The following C2orf49 variants were observed in gnomAD, a reference collection of about 807,000 sequenced individuals.
The protein encoded by C2orf49 is tRNA splicing ligase complex subunit 2.
Under a neutral mutation model 20.6 loss-of-function variants are expected in C2orf49, and 11 were observed. The observed-to-expected ratio is 0.53, with a 90% CI of 0.34 to 0.88. The LOEUF is 0.88. Ranked by LOEUF, C2orf49 falls within the 40% of genes least tolerant of loss-of-function variation. The pLI, the probability that C2orf49 is intolerant of heterozygous loss-of-function variation, is 0.02. For synonymous variants in C2orf49, 134 were observed against 108.5 expected (o/e 1.24, Z -1.46); for missense variants, 289 against 274.2 (o/e 1.05, Z -0.38).
At chr2:105,358,762 G>C in the C2orf49 span, 1 of 152,196 alleles carries the variant, frequency 6.6e-6, no homozygotes, top group Non-Finnish European at 1.5e-5. Flanking sequence ...TATCTGTAAA[G>C]TCCTGTCAGT....
the C2orf49 span, among the ~76,000 whole-genome samples, chr2:105,385,281 T>C: frequency 3.1e-4 from 47 of 152,208 alleles, no homozygotes; most frequent in African/African-American, 1.0e-3. Context: ...CAGAAAGTGA[T>C]GGTGCAGCCT....
chr2:105,344,969 T>C (rs1426326150), intron 3 of C2orf49, among the ~76,000 whole-genome samples: 1 of 152,166 alleles, frequency 6.6e-6, no homozygotes, highest in Non-Finnish European at 1.5e-5. Flanking sequence ...TCAGTGGTTT[T>C]CAACTCTGAT....
intron 2 of C2orf49, among the ~76,000 whole-genome samples, chr2:105,341,946 C>T (rs538754018): frequency 2.0e-5 from 3 of 152,206 alleles, no homozygotes; most frequent in South Asian, 2.1e-4. Context: ...GGGAGGCGGG[C>T]GGATTACCCT....
the C2orf49 span, among the ~76,000 whole-genome samples, chr2:105,382,739 T>C: frequency 2.0e-5 from 3 of 152,204 alleles, no homozygotes; most frequent in African/African-American, 7.2e-5. Flanking sequence ...TGGGTGGGTA[T>C]GGTGGCCAGT....
At chr2:105,345,246 G>A (rs2679842) in intron 3 of C2orf49, 69 bp from the exon 4 acceptor site, 720,302 of 1,388,226 alleles carry the variant, frequency 0.52, 190,781 homozygotes, top group East Asian at 0.71. Context: ...TTGGTTGTTT[G>A]AAATGTTCAT....
rs764119256 is a variant in C2orf49, at chr2:105,343,172, T to A, written c.591T>A (p.Thr197=). The change falls in exon 3 of 4, where the codon ACT becomes ACA. Residue 197 remains threonine, a synonymous_variant. Coordinates refer to ENST00000258457, the MANE Select transcript of C2orf49 (RefSeq NM_024093.3). ...CGCCACCATTGTCCCCTGTTGGAAC[T>A]ACTCCAGTGAAGTTAAAGAGAGCTG... is the stretch of plus-strand genomic sequence containing the variant. ...VKSPPLSPVG[T]TPVKLKRAAP... 6.2e-6 allele frequency: 10 copies of A among 1,613,098 alleles called. No homozygotes were observed. In the Admixed American group the frequency reaches 1.5e-4, roughly 24 times the overall value.
chr2:105,367,515 A>T, the C2orf49 span: 3 of 1,541,592 alleles, frequency 1.9e-6, no homozygotes, highest in African/African-American at 1.4e-5. Flanking sequence ...ACAGACATGG[A>T]CCATGGAGGC....
rs1016098596 is a variant in C2orf49, at chr2:105,343,136, C to T, written c.555C>T (p.Gly185=). ...HDLTHRKSPS[G]PVKSPPLSPV... Reference sequence around the variant, plus strand: ...TAACGCATAGGAAAAGTCCTTCAGGCCCTGTGAAGTCGCCACCATTGTCCC... The same window carrying T: ...TAACGCATAGGAAAAGTCCTTCAGGTCCTGTGAAGTCGCCACCATTGTCCC... Residue 185 remains glycine, a synonymous_variant, in exon 3 of 4, where the codon GGC becomes GGT. Coordinates refer to ENST00000258457, the MANE Select transcript of C2orf49 (RefSeq NM_024093.3). 4.3e-6 allele frequency: 7 copies of T among 1,614,062 alleles called. No individual in the cohort carries two copies. The highest frequency in any genetic ancestry group is 3.3e-5 in the Admixed American group (2 of 59,996).
chr2:105,364,493 A>C, the C2orf49 span, among the ~76,000 whole-genome samples: 2 of 152,224 alleles, frequency 1.3e-5, no homozygotes, highest in African/African-American at 4.8e-5. Flanking sequence ...TGTGAGGTGA[A>C]GCTGCAAAGC....
At chr2:105,358,132 A>G in the C2orf49 span, 1 of 152,212 alleles carries the variant, frequency 6.6e-6, no homozygotes, top group Non-Finnish European at 1.5e-5. Context: ...TACTAATAGC[A>G]TGGAGTTACC....
chr2:105,363,471 G>A, the C2orf49 span: 1 of 1,604,950 alleles, frequency 6.2e-7, no homozygotes, highest in South Asian at 1.1e-5. Context: ...GTGGTGATGG[G>A]CTGCAGGGAC....
the C2orf49 span, among the ~76,000 whole-genome samples, chr2:105,368,814 TG>T: frequency 6.6e-6 from 1 of 152,154 alleles, no homozygotes; most frequent in Admixed American, 6.5e-5. Flanking sequence ...AAGAACAATC[TG>T]GGGAAATAAG....
chr2:105,363,123 T>G, the C2orf49 span: 1 of 636,612 alleles, frequency 1.6e-6, no homozygotes, highest in Non-Finnish European at 2.8e-6. Flanking sequence ...GCATAGCCAG[T>G]GCACCAAGGA....
At chr2:105,381,719 C>T in the C2orf49 span, among the ~76,000 whole-genome samples, 6 of 152,110 alleles carry the variant, frequency 3.9e-5, no homozygotes, top group East Asian at 1.2e-3. Flanking sequence ...AATAAATACG[C>T]GTTTTCAGTG....
the C2orf49 span, among the ~76,000 whole-genome samples, chr2:105,379,420 T>C: frequency 2.0e-5 from 3 of 152,216 alleles, no homozygotes; most frequent in African/African-American, 7.2e-5. Context: ...CGTTGGTAAC[T>C]CTACCACTCT....
chr2:105,339,847 A>G, intron 2 of C2orf49, 98 bp downstream of exon 2: 2 of 1,091,952 alleles, frequency 1.8e-6, no homozygotes, highest in Non-Finnish European at 2.5e-6. Context: ...TAAAAAATTT[A>G]TTTACTCAAT....
the C2orf49 span, among the ~76,000 whole-genome samples, chr2:105,370,337 T>C: frequency 6.6e-6 from 1 of 151,632 alleles, no homozygotes; most frequent in African/African-American, 2.4e-5. Flanking sequence ...ATCGTACCAC[T>C]ACTCTCCCGC....
chr2:105,350,375 G>T (rs1679906329), downstream of C2orf49, among the ~76,000 whole-genome samples: 1 of 152,202 alleles, frequency 6.6e-6, no homozygotes, highest in Admixed American at 6.5e-5. Context: ...AAGAAGGTAG[G>T]CAGGAGCCAG....
downstream of C2orf49, among the ~76,000 whole-genome samples, chr2:105,352,750 T>C (rs564453181): frequency 2.6e-5 from 4 of 152,232 alleles, no homozygotes; most frequent in South Asian, 8.3e-4. Context: ...AGCTGGGTCT[T>C]TTCTTCTTCT....
Sources: gnomAD v4.1 joint callset for allele counts (sites outside exome capture counted in the v4.1 genomes callset) on GRCh38, gnomAD v4.1.1 for gene constraint, MANE v1.5 for transcripts, NCBI Gene and HGNC (gene_info 2026-07-23, HGNC 2026-07-21) for gene names.